The following CARM1 variants were observed in gnomAD, a reference collection of about 807,000 sequenced individuals.
CARM1 encodes the protein histone-arginine methyltransferase CARM1.
CARM1 carries 14 observed loss-of-function variants against 72.7 expected under a neutral mutation model. The ratio of observed to expected loss-of-function variants is 0.19; its 90% CI spans 0.13 to 0.30. The LOEUF (loss-of-function observed/expected upper bound fraction) is 0.30. CARM1 is among the 10% of genes least tolerant of loss of function. The probability of loss-of-function intolerance (pLI) is 1.00; values close to 1 mark genes in which losing one functional copy is unlikely to be tolerated. For missense variants in CARM1, 432 were observed against 833.7 expected (o/e 0.52, Z 5.93); for synonymous variants, 333 against 345.5 (o/e 0.96, Z 0.40).
At chr19:10,874,825 C>T (rs1265362421) in intron 1 of CARM1, among the ~76,000 whole-genome samples, 1 of 152,114 alleles carries the variant, frequency 6.6e-6, no homozygotes, top group Non-Finnish European at 1.5e-5. Flanking sequence ...AGGTTGAGAC[C>T]AGCTTGGCCA....
At chr19:10,884,585 A>G (rs2146308127) in intron 1 of CARM1, among the ~76,000 whole-genome samples, 1 of 151,928 alleles carries the variant, frequency 6.6e-6, no homozygotes, top group African/African-American at 2.4e-5. Flanking sequence ...TTGTTCCCCA[A>G]AAAGCAGTTA....
intron 1 of CARM1, among the ~76,000 whole-genome samples, chr19:10,878,157 G>A (rs1433816636): frequency 3.3e-5 from 5 of 152,120 alleles, no homozygotes; most frequent in Non-Finnish European, 5.9e-5. Context: ...GCCTATTTTT[G>A]TACAGACAAA....
chr19:10,923,057 T>A lies in CARM1; in HGVS notation c.*1300T>A, dbSNP rs1387629498. ...ATCACCTTTGCATAGAAAATAAAAG[T>A]GTTTGCTTTGTAAGAAAAGTCTGGA... On this transcript the variant is annotated 3_prime_UTR_variant, in exon 16 of 16. Coordinates refer to ENST00000327064, the MANE Select transcript of CARM1 (RefSeq NM_199141.2). The A allele has an allele frequency of 2.0e-6, 1 of 489,476 alleles. No homozygotes were observed. Among genetic ancestry groups the A allele is most frequent in the South Asian group, 3.1e-5 (1 of 32,428 alleles). 30.3% of individuals were successfully genotyped at this position (489,476 alleles called of 1,614,324 possible).
intron 1 of CARM1, among the ~76,000 whole-genome samples, chr19:10,888,852 G>A (rs1404099512): frequency 6.6e-6 from 1 of 152,162 alleles, no homozygotes; most frequent in African/African-American, 2.4e-5. Context: ...GAAAAGCCAA[G>A]CTCTTTGTCT....
At chr19:10,880,191 C>T (rs893971302) in intron 1 of CARM1, among the ~76,000 whole-genome samples, 3 of 152,150 alleles carry the variant, frequency 2.0e-5, no homozygotes, top group African/African-American at 7.2e-5. Context: ...GCTGGAGAAC[C>T]TGGGAGGTGG....
intron 1 of CARM1, among the ~76,000 whole-genome samples, chr19:10,904,520 C>A (rs2074088732): frequency 6.6e-6 from 1 of 152,248 alleles, no homozygotes; most frequent in Non-Finnish European, 1.5e-5. Flanking sequence ...TCACAGTGAA[C>A]AAATGGCATG....
intron 4 of CARM1, among the ~76,000 whole-genome samples, chr19:10,911,613 C>G (rs2074151199): frequency 6.6e-6 from 1 of 152,254 alleles, no homozygotes; most frequent in African/African-American, 2.4e-5. Flanking sequence ...CCAGGAATGT[C>G]TGTCCTTGGT....
intron 1 of CARM1, among the ~76,000 whole-genome samples, chr19:10,873,962 G>T (rs1599680093): frequency 6.6e-6 from 1 of 152,178 alleles, no homozygotes; most frequent in Non-Finnish European, 1.5e-5. Flanking sequence ...TCTTATAGAT[G>T]TATTGGCAAC....
chr19:10,904,249 C>G (rs1336967963), intron 1 of CARM1, among the ~76,000 whole-genome samples: 1 of 152,242 alleles, frequency 6.6e-6, no homozygotes, highest in Non-Finnish European at 1.5e-5. Context: ...GCCAAGAATA[C>G]TACAGATGAT....
intron 1 of CARM1, among the ~76,000 whole-genome samples, chr19:10,880,591 C>T (rs1269482758): frequency 3.4e-5 from 5 of 148,890 alleles, no homozygotes; most frequent in Admixed American, 6.9e-5. Flanking sequence ...TGGGCTCAAG[C>T]GATTCTCCTA....
chr19:10,893,247 G>A (rs1055455453), intron 1 of CARM1, among the ~76,000 whole-genome samples: 13 of 151,910 alleles, frequency 8.6e-5, no homozygotes, highest in African/African-American at 3.1e-4. Flanking sequence ...ATGTTGGCCA[G>A]GCTGGTCTCG....
At chr19:10,902,091 A>G (rs1379589293) in intron 1 of CARM1, among the ~76,000 whole-genome samples, 3 of 151,744 alleles carry the variant, frequency 2.0e-5, no homozygotes, top group Non-Finnish European at 4.4e-5. Flanking sequence ...GAAAACTACA[A>G]AAATAAGCTG....
rs1387629498 is a variant in CARM1 at position 10,923,057 on chromosome 19, T to C, written c.*1300T>C. 4.1e-6 allele frequency: 2 copies of C among 489,476 alleles called. No homozygotes were observed. Among genetic ancestry groups the C allele is most frequent in the Non-Finnish European group, 7.1e-6 (2 of 280,024 alleles). The allele number at this position is 489,476 out of a possible 1,614,324, so 30.3% of individuals were successfully genotyped here. A position where few individuals can be genotyped will look rare whatever the true frequency, so the allele number is the denominator to read the frequency against. Reference sequence around the variant, plus strand: ...ATCACCTTTGCATAGAAAATAAAAGTGTTTGCTTTGTAAGAAAAGTCTGGA... The same window carrying C: ...ATCACCTTTGCATAGAAAATAAAAGCGTTTGCTTTGTAAGAAAAGTCTGGA... On this transcript the variant is annotated 3_prime_UTR_variant, in exon 16 of 16. Coordinates refer to ENST00000327064, the MANE Select transcript of CARM1 (RefSeq NM_199141.2).
Position 10,916,130 on chromosome 19 carries a change from C to T in CARM1, c.848-277C>T, listed in dbSNP as rs558324425. 6.6e-6 allele frequency among the ~76,000 whole-genome samples: 1 copy of T among 152,358 alleles called. No homozygotes were observed. Among genetic ancestry groups the T allele is most frequent in the Non-Finnish European group, 1.5e-5 (1 of 68,034 alleles). ...TTCCCCGTGAGTCTTTGGCAGGTCC[C>T]TCACACCTGCCAGGTCTAGTAATAG... is the stretch of plus-strand genomic sequence containing the variant. On this transcript the variant is annotated intron_variant, in intron 6 of 15. Transcript: ENST00000327064. The surrounding 1 kb of genome is among the most constrained non-coding windows in gnomAD (Gnocchi z 4.4).
chr19:10,900,928 C>T (rs2074059192), intron 1 of CARM1, among the ~76,000 whole-genome samples: 1 of 151,948 alleles, frequency 6.6e-6, no homozygotes, highest in Admixed American at 6.6e-5. Flanking sequence ...TGTGATCCAC[C>T]CGCCTCGGCC....
intron 4 of CARM1, among the ~76,000 whole-genome samples, chr19:10,911,011 C>T (rs1022481801): frequency 1.3e-5 from 2 of 152,120 alleles, no homozygotes; most frequent in Admixed American, 6.6e-5. Flanking sequence ...GTGCCTCAGC[C>T]GGCCAAGTAG....
chr19:10,887,578 A>G (rs1304702626), intron 1 of CARM1, among the ~76,000 whole-genome samples: 1 of 152,144 alleles, frequency 6.6e-6, no homozygotes, highest in Non-Finnish European at 1.5e-5. Flanking sequence ...GCTGATGGTC[A>G]AAACCTTTCC....
In CARM1 at chr19:10,920,337, A is replaced by G; in HGVS notation, c.1197-99A>G. 1.4e-6 allele frequency: 2 copies of G among 1,401,778 alleles called. No homozygotes were observed. Among genetic ancestry groups the G allele is most frequent in the South Asian group, 2.7e-5 (2 of 72,918 alleles). 86.8% of individuals were successfully genotyped at this position (1,401,778 alleles called of 1,614,324 possible). ...CTCCAGGGTCCCAGGGGTCCCTGGC[A>G]GAGGGGGCAGGTGCTTGGGGAGGAC... On this transcript the variant is annotated intron_variant, in intron 10 of 15. Transcript: ENST00000327064. The surrounding 1 kb of genome is among the most constrained non-coding windows in gnomAD (Gnocchi z 5.3).
intron 1 of CARM1, among the ~76,000 whole-genome samples, chr19:10,900,861 T>C (rs1321894848): frequency 3.3e-5 from 5 of 151,944 alleles, no homozygotes; most frequent in Non-Finnish European, 7.4e-5. Flanking sequence ...TTTTTTGTAT[T>C]TTTAGTAGAG....
Sources: allele counts gnomAD v4.1 joint callset (sites outside exome capture counted in the v4.1 genomes callset), GRCh38; gene constraint gnomAD v4.1.1; non-coding constraint Gnocchi (gnomAD v3.1); transcripts MANE v1.5; gene names NCBI Gene and HGNC (gene_info 2026-07-23, HGNC 2026-07-21).